The following UNC5D variants were observed in gnomAD, a reference collection of about 807,000 sequenced individuals.
UNC5D encodes the protein netrin receptor UNC5D.
In UNC5D, 39 loss-of-function variants were observed where a neutral mutation model predicts 105.4. That is an observed-to-expected ratio of 0.37 (90% CI 0.29 to 0.48). UNC5D has a LOEUF of 0.48. Ranked by LOEUF, UNC5D falls within the 20% of genes least tolerant of loss-of-function variation. The probability of loss-of-function intolerance (pLI) is 0.98; values close to 1 mark genes in which losing one functional copy is unlikely to be tolerated. For synonymous variants in UNC5D, 452 were observed against 450.4 expected (o/e 1.00, Z -0.04); for missense variants, 991 against 1,202.4 (o/e 0.82, Z 2.60).
chr8:35,346,115 G>T (rs1811790907), intron 1 of UNC5D, among the ~76,000 whole-genome samples: 1 of 151,960 alleles, frequency 6.6e-6, no homozygotes, highest in Admixed American at 6.6e-5. Flanking sequence ...TGGGGTAAAA[G>T]GAAAATGAAC....
chr8:35,665,379 G>T (rs1824358645), intron 4 of UNC5D, among the ~76,000 whole-genome samples: 1 of 152,142 alleles, frequency 6.6e-6, no homozygotes, highest in Non-Finnish European at 1.5e-5. Context: ...TGCCTTCAAG[G>T]TTGAGTGTAA....
chr8:35,244,709 T>C (rs1802983492), intron 1 of UNC5D, among the ~76,000 whole-genome samples: 1 of 152,158 alleles, frequency 6.6e-6, no homozygotes, highest in African/African-American at 2.4e-5. Context: ...TCAGGTTTTG[T>C]TTTTAAAGAT....
At chr8:35,551,636 G>A (rs982583518) in intron 2 of UNC5D, among the ~76,000 whole-genome samples, 3 of 151,960 alleles carry the variant, frequency 2.0e-5, no homozygotes, top group Admixed American at 2.0e-4. Context: ...TGGCCAATAT[G>A]GTGAAACCCT....
At chr8:35,493,675 T>A (rs1287299169) in intron 1 of UNC5D, among the ~76,000 whole-genome samples, 1 of 152,152 alleles carries the variant, frequency 6.6e-6, no homozygotes, top group East Asian at 1.9e-4. Context: ...ATAATAATAT[T>A]GAATATTGAA....
intron 4 of UNC5D, among the ~76,000 whole-genome samples, chr8:35,605,362 G>A (rs982815800): frequency 5.9e-5 from 9 of 152,322 alleles, no homozygotes; most frequent in Admixed American, 2.0e-4. Context: ...AACAGCAGAT[G>A]TTGGTGAACC....
intron 4 of UNC5D, among the ~76,000 whole-genome samples, chr8:35,670,988 G>GAAAT (rs61603358): frequency 0.68 from 102,883 of 151,570 alleles, 40,092 homozygotes; most frequent in East Asian, 0.91. Flanking sequence ...TTCAAGATGA[G>GAAAT]AAATAACCTA....
At chr8:35,572,843 G>A (rs1258609475) in intron 3 of UNC5D, among the ~76,000 whole-genome samples, 1 of 141,706 alleles carries the variant, frequency 7.1e-6, no homozygotes, top group Non-Finnish European at 1.5e-5. Context: ...TCTCTCTGTC[G>A]CCCAGGCTGG....
intron 8 of UNC5D, among the ~76,000 whole-genome samples, chr8:35,713,025 A>G (rs1366630929): frequency 3.3e-5 from 5 of 151,980 alleles, no homozygotes. Context: ...TTCAATCCAT[A>G]TATATGTGCA....
At chr8:35,333,409 T>C (rs1275867084) in intron 1 of UNC5D, among the ~76,000 whole-genome samples, 1 of 152,156 alleles carries the variant, frequency 6.6e-6, no homozygotes, top group Non-Finnish European at 1.5e-5. Context: ...TGATTTAATT[T>C]TGCATTTGTT....
chr8:35,679,878 C>T (rs1003123022), intron 4 of UNC5D, among the ~76,000 whole-genome samples: 4 of 152,036 alleles, frequency 2.6e-5, no homozygotes, highest in African/African-American at 4.8e-5. Context: ...AATCCAAGGT[C>T]GAGGAGCTAT....
At chr8:35,393,832 A>C (rs1803931593) in intron 1 of UNC5D, among the ~76,000 whole-genome samples, 1 of 152,234 alleles carries the variant, frequency 6.6e-6, no homozygotes, top group African/African-American at 2.4e-5. Context: ...GGAAAGGGAA[A>C]TTGGAAGAAC....
At chr8:35,333,128 G>T (rs546843048) in intron 1 of UNC5D, among the ~76,000 whole-genome samples, 2 of 152,062 alleles carry the variant, frequency 1.3e-5, no homozygotes, top group Non-Finnish European at 1.5e-5. Context: ...TGAGAGGACT[G>T]CCTGAGGCCA....
chr8:35,237,739 CTGA>C (rs1429683019), intron 1 of UNC5D, among the ~76,000 whole-genome samples: 2 of 152,170 alleles, frequency 1.3e-5, no homozygotes, highest in Non-Finnish European at 2.9e-5. Context: ...GTAAATCTGA[CTGA>C]TATTTCCCAT....
At chr8:35,538,395 TTATATATATATATATATATATATATA>T (rs10524805) in intron 1 of UNC5D, among the ~76,000 whole-genome samples, 45 of 82,440 alleles carry the variant, frequency 5.5e-4, no homozygotes, top group Admixed American at 1.4e-3. Context: ...AAAAAAATAA[TTATATATATATATATATATATATATA>T]TATATATATA....
At chr8:35,414,315 C>G (rs1034802504) in intron 1 of UNC5D, among the ~76,000 whole-genome samples, 1 of 152,012 alleles carries the variant, frequency 6.6e-6, no homozygotes, top group Non-Finnish European at 1.5e-5. Context: ...TTTAGTTGTC[C>G]TAAAGTTTCA....
chr8:35,385,383 C>T (rs954167299), intron 1 of UNC5D, among the ~76,000 whole-genome samples: 2 of 152,024 alleles, frequency 1.3e-5, no homozygotes, highest in Non-Finnish European at 2.9e-5. Flanking sequence ...CTACATGCCA[C>T]CAATCTCATA....
intron 1 of UNC5D, among the ~76,000 whole-genome samples, chr8:35,475,621 A>C (rs1266498428): frequency 6.6e-6 from 1 of 152,186 alleles, no homozygotes; most frequent in Non-Finnish European, 1.5e-5. Context: ...TGGGAGGTAC[A>C]TGTCAACACC....
chr8:35,525,785 T>A, intron 1 of UNC5D: 2 of 1,496,186 alleles, frequency 1.3e-6, no homozygotes, highest in Non-Finnish European at 1.8e-6. Context: ...CGTAATGTGC[T>A]CTTTTAACTA....
At chr8:35,322,593 G>A (rs1378985290) in intron 1 of UNC5D, among the ~76,000 whole-genome samples, 1 of 152,286 alleles carries the variant, frequency 6.6e-6, no homozygotes, top group Non-Finnish European at 1.5e-5. Context: ...GCCCTGCTCT[G>A]ACCCTGTCTT....
Sources: gnomAD v4.1 joint callset for allele counts (sites outside exome capture counted in the v4.1 genomes callset) on GRCh38, gnomAD v4.1.1 for gene constraint, MANE v1.5 for transcripts, NCBI Gene and HGNC (gene_info 2026-07-23, HGNC 2026-07-21) for gene names.